The following TMEM116 variants were observed in gnomAD, a reference collection of about 807,000 sequenced individuals.
TMEM116 encodes transmembrane protein 116.
A neutral mutation model predicts 44.3 loss-of-function variants in TMEM116; 38 were observed. The ratio of observed to expected loss-of-function variants is 0.86; its 90% CI spans 0.66 to 1.12. TMEM116 has a LOEUF of 1.12. TMEM116 is among the 50% of genes most tolerant of loss of function. The pLI is 0.00. For synonymous variants in TMEM116, 132 were observed against 144.8 expected (o/e 0.91, Z 0.64); for missense variants, 354 against 401.7 (o/e 0.88, Z 1.01).
At chr12:111,955,511 T>A (rs1383623552) in intron 4 of TMEM116, among the ~76,000 whole-genome samples, 3 of 152,244 alleles carry the variant, frequency 2.0e-5, no homozygotes, top group Non-Finnish European at 4.4e-5. Context: ...GGTTTGACCA[T>A]GGATCAGATT....
chr12:112,006,042 T>C, intron 1 of TMEM116: 1 of 963,494 alleles, frequency 1.0e-6, no homozygotes, highest in South Asian at 4.8e-5. Flanking sequence ...TCCTTCCTAG[T>C]CAGGTTCTGA....
chr12:111,987,675 T>C (rs976562542), intron 4 of TMEM116, among the ~76,000 whole-genome samples: 2 of 152,072 alleles, frequency 1.3e-5, no homozygotes, highest in Admixed American at 1.3e-4. Flanking sequence ...TGGCTATTAC[T>C]TAAAAAACAA....
chr12:111,985,277 TACACACAC>T (rs34447209), intron 4 of TMEM116, among the ~76,000 whole-genome samples: 3 of 148,970 alleles, frequency 2.0e-5, no homozygotes, highest in African/African-American at 7.4e-5. Context: ...CTCTAAAGAT[TACACACAC>T]ACACACACAC....
intron 2 of TMEM116, 71 bp from the exon 3 acceptor site, chr12:112,003,934 TG>T (rs1205332812): frequency 2.1e-6 from 3 of 1,422,150 alleles, no homozygotes; most frequent in East Asian, 5.8e-5. Flanking sequence ...TTATTAATTT[TG>T]GGTTTTTTTT....
intron 1 of TMEM116, among the ~76,000 whole-genome samples, chr12:112,009,987 G>C (rs1253219677): frequency 6.6e-6 from 1 of 152,084 alleles, no homozygotes; most frequent in African/African-American, 2.4e-5. Context: ...GTTTTATAAA[G>C]AAATTTTAAA....
intron 4 of TMEM116, 136 bp from the exon 5 acceptor site, chr12:111,943,505 C>T (rs1167733046): frequency 2.9e-5 from 19 of 647,148 alleles, no homozygotes; most frequent in South Asian, 1.1e-4. Context: ...AGTGTCCATA[C>T]CAGGCAAAAC....
At chr12:112,002,860 G>A (rs556969890) in intron 3 of TMEM116, among the ~76,000 whole-genome samples, 3 of 152,306 alleles carry the variant, frequency 2.0e-5, no homozygotes, top group Non-Finnish European at 4.4e-5. Flanking sequence ...TACATGTCCT[G>A]ACCTATGCTT....
chr12:111,987,461 C>T (rs1342957216), intron 4 of TMEM116, among the ~76,000 whole-genome samples: 5 of 149,464 alleles, frequency 3.3e-5, no homozygotes, highest in South Asian at 2.1e-4. Flanking sequence ...GCCGAGATAG[C>T]GCCACTGCAC....
chr12:111,968,802 G>A (rs935826540), intron 4 of TMEM116, among the ~76,000 whole-genome samples: 2 of 151,882 alleles, frequency 1.3e-5, no homozygotes, highest in African/African-American at 4.8e-5. Context: ...AGACTAGCCT[G>A]ACCAATATGG....
chr12:111,964,520 C>CT (rs2074851450), intron 4 of TMEM116, among the ~76,000 whole-genome samples: 1 of 151,866 alleles, frequency 6.6e-6, no homozygotes, highest in Non-Finnish European at 1.5e-5. Context: ...CAAAGTGACT[C>CT]TAAGAATTTA....
At chr12:111,964,836 C>T (rs1193246186) in intron 4 of TMEM116, among the ~76,000 whole-genome samples, 2 of 151,490 alleles carry the variant, frequency 1.3e-5, no homozygotes, top group African/African-American at 4.9e-5. Flanking sequence ...CACAGGTGCG[C>T]ACCACCATGC....
chr12:111,965,698 T>C, intron 4 of TMEM116: 1 of 374,622 alleles, frequency 2.7e-6, no homozygotes, highest in South Asian at 1.9e-5. Context: ...GCCCAAGCGG[T>C]GAATCACTTG....
chr12:112,006,934 C>CCAAAA (rs747428324), intron 1 of TMEM116, among the ~76,000 whole-genome samples: 2 of 151,994 alleles, frequency 1.3e-5, no homozygotes, highest in Admixed American at 6.6e-5. Flanking sequence ...AAATTACAGT[C>CCAAAA]CAAAACAAAA....
At chr12:112,010,656 T>C (rs2077795919) in intron 1 of TMEM116, 1 of 152,496 alleles carries the variant, frequency 6.6e-6, no homozygotes, top group South Asian at 2.1e-4. Context: ...TCTCTGCAGC[T>C]GTCAGCAGGG....
intron 4 of TMEM116, among the ~76,000 whole-genome samples, chr12:111,979,163 AT>A (rs1215302606): frequency 6.6e-6 from 1 of 152,184 alleles, no homozygotes; most frequent in Non-Finnish European, 1.5e-5. Flanking sequence ...GAAAATAGGT[AT>A]TCAAATGAAT....
chr12:111,998,048 A>G (rs111867187), intron 3 of TMEM116, among the ~76,000 whole-genome samples: 11 of 152,348 alleles, frequency 7.2e-5, no homozygotes, highest in African/African-American at 2.6e-4. Context: ...TTATTTGGGA[A>G]GCAAGAATTG....
chr12:111,989,211 T>C (rs979690129), intron 4 of TMEM116, among the ~76,000 whole-genome samples: 5 of 152,170 alleles, frequency 3.3e-5, no homozygotes, highest in African/African-American at 4.8e-5. Context: ...AACTTTTTCC[T>C]CTCTTTTCTC....
intron 5 of TMEM116, among the ~76,000 whole-genome samples, chr12:111,941,802 C>T (rs7307657): frequency 0.086 from 13,121 of 152,024 alleles, 1,892 homozygotes; most frequent in African/African-American, 0.3. Context: ...CAAACATGAA[C>T]GTCTAGAACA....
chr12:111,944,199 A>G (rs902420794), intron 4 of TMEM116, among the ~76,000 whole-genome samples: 1 of 152,116 alleles, frequency 6.6e-6, no homozygotes, highest in Non-Finnish European at 1.5e-5. Context: ...TGATGAGATA[A>G]CAGGAATAGA....
Sources: gnomAD v4.1 joint callset for allele counts (sites outside exome capture counted in the v4.1 genomes callset) on GRCh38, gnomAD v4.1.1 for gene constraint, MANE v1.5 for transcripts, NCBI Gene and HGNC (gene_info 2026-07-23, HGNC 2026-07-21) for gene names.